PRSS50: variants seen among roughly 807,000 people sequenced by gnomAD.
PRSS50 encodes probable threonine protease PRSS50.
PRSS50 carries 23 observed loss-of-function variants against 34.2 expected under a neutral mutation model. The ratio of observed to expected loss-of-function variants is 0.67; its 90% CI spans 0.48 to 0.95. The LOEUF (loss-of-function observed/expected upper bound fraction) is 0.95, where lower values mean the gene tolerates loss of function less well. Among genes scored for constraint, PRSS50 ranks in the 40% least tolerant of loss-of-function variants. The pLI is 0.00. For missense variants in PRSS50, 484 were observed against 513.4 expected, an observed-to-expected ratio of 0.94 and a Z score of 0.55; for synonymous variants, 224 against 211.2, an observed-to-expected ratio of 1.06 and a Z score of -0.53.
In PRSS50 at chr3:46,715,494, C is replaced by A; in HGVS notation, c.470+41G>T. The stretch of plus-strand genomic sequence containing the variant: ...GGGGATGACTGGGCCCACAGCAGCT[C>A]CAAATACCTCTCCACCCACCCCACC... On this transcript the variant is annotated intron_variant, in intron 3 of 5. Coordinates refer to ENST00000315170, the MANE Select transcript of PRSS50 (RefSeq NM_013270.5). The surrounding 1 kb of genome is among the most constrained non-coding windows in gnomAD (Gnocchi z 5.2). 1 of 1,588,922 alleles carries A rather than the reference C, an allele frequency of 6.3e-7. No individual in the cohort carries two copies. Among genetic ancestry groups the A allele is most frequent in the Non-Finnish European group, 8.6e-7 (1 of 1,160,818 alleles).
rs1273953033 is a variant in PRSS50 at position 46,715,727 on chromosome 3, G to C, written c.308-30C>G. On this transcript the variant is annotated intron_variant, in intron 2 of 5. Coordinates refer to ENST00000315170, the MANE Select transcript of PRSS50 (RefSeq NM_013270.5). This position sits in a 1 kb window ranked among gnomAD's most constrained non-coding sequence, Gnocchi z 5.2. The stretch of plus-strand genomic sequence containing the variant: ...GGAGGAAGGTGAGAGCTTGATGAGG[G>C]ATGGATCTTTCCCTGTCCCTCCCCT... The C allele has an allele frequency of 6.5e-7, 1 of 1,550,134 alleles. No homozygotes were observed. The highest frequency in any genetic ancestry group is 1.7e-4 in the Middle Eastern group (1 of 5,892).
In PRSS50 at chr3:46,717,412, C is replaced by T. The variant is rs986115212; in HGVS notation, c.307+25G>A. ...CTCCTCTGTCACCCTCCTTGCCCCA[C>T]GGAGTCTACACCCCTGGTACTCACA... On this transcript the variant is annotated intron_variant, in intron 2 of 5. Transcript: ENST00000315170. This position sits in a 1 kb window ranked among gnomAD's most constrained non-coding sequence, Gnocchi z 4.5. 2.5e-6 allele frequency: 4 copies of T among 1,610,062 alleles called. No homozygotes were observed. The highest frequency in any genetic ancestry group is 3.4e-6 in the Non-Finnish European group (4 of 1,176,844).
rs764346103 is a variant in PRSS50, at chr3:46,713,064, A to C, written c.758T>G (p.Met253Arg). Residue 253 changes from methionine to arginine, a missense_variant, in exon 5 of 6, where the codon ATG (methionine) becomes AGG (arginine). Physicochemically the swap from Met to Arg is moderately conservative, Grantham distance 91. Transcript: ENST00000315170. ...TGWGLSKADGMWPQFRTIQEK... is the reference protein window; with the variant it reads ...TGWGLSKADGRWPQFRTIQEK... The stretch of plus-strand genomic sequence containing the variant: ...CTGAATGGTCCGGAACTGAGGCCAC[A>C]TGCCTGTGGGACAGGGCCCCATTTA... The C allele has an allele frequency of 6.2e-7, 1 of 1,613,878 alleles. No individual in the cohort carries two copies. Among genetic ancestry groups the C allele is most frequent in the Admixed American group, 1.7e-5 (1 of 60,002 alleles).
chr3:46,717,337 G>T lies in PRSS50; in HGVS notation c.307+100C>A. On this transcript the variant is annotated intron_variant, in intron 2 of 5. Transcript: ENST00000315170. This position sits in a 1 kb window ranked among gnomAD's most constrained non-coding sequence, Gnocchi z 4.5. ...GTAGAAGGAGGCGCTCCTCTATCCT[G>T]CTCGCCCCCGTCCCTTCTGCTCCCC... 1 of 1,351,856 alleles carries T rather than the reference G, an allele frequency of 7.4e-7. No individual in the cohort carries two copies. Among genetic ancestry groups the T allele is most frequent in the Non-Finnish European group, 1.0e-6 (1 of 970,434 alleles). The allele number at this position is 1,351,856 out of a possible 1,614,324, so 83.7% of individuals were successfully genotyped here. A position where few individuals can be genotyped will look rare whatever the true frequency, so the allele number is the denominator to read the frequency against.
At position 46,714,519 on chromosome 3, in the gene PRSS50, G is replaced by A. The variant is rs375522027; in HGVS notation, c.471-18C>T. The A allele has an allele frequency of 6.4e-7, 1 of 1,550,388 alleles. No homozygotes were observed. The highest frequency in any genetic ancestry group is 8.7e-7 in the Non-Finnish European group (1 of 1,150,206). On this transcript the variant is annotated intron_variant, in intron 3 of 5. Transcript: ENST00000315170. ...CATCACGCCTAGGGGGGCCGTGAGG[G>A]GAGGCCATGATCAGCTCCAGGCCCC...
chr3:46,716,857 A>G lies in PRSS50; in HGVS notation c.307+580T>C, dbSNP rs140755783. Reference sequence around the variant, plus strand: ...TAAAGGATAACATAGGCAAGAAAACATCGGCATGCACAGCACAGGGTACTG... The same window carrying G: ...TAAAGGATAACATAGGCAAGAAAACGTCGGCATGCACAGCACAGGGTACTG... On this transcript the variant is annotated intron_variant, in intron 2 of 5. Coordinates refer to ENST00000315170, the MANE Select transcript of PRSS50 (RefSeq NM_013270.5). This position sits in a 1 kb window ranked among gnomAD's most constrained non-coding sequence, Gnocchi z 4.4. Among the ~76,000 whole-genome samples, 12 of 152,384 alleles carry G rather than the reference A, an allele frequency of 7.9e-5. No individual in the cohort carries two copies. The highest frequency in any genetic ancestry group is 1.3e-4 in the Non-Finnish European group (9 of 68,036).
At chr3:46,713,868 C>T (rs996005048) in intron 4 of PRSS50, among the ~76,000 whole-genome samples, 4 of 152,252 alleles carry the variant, frequency 2.6e-5, no homozygotes, top group Admixed American at 6.5e-5. Flanking sequence ...ACTGCTCCCC[C>T]GACCTCAGGT....
chr3:46,715,443 T>C lies in PRSS50; in HGVS notation c.470+92A>G. The stretch of plus-strand genomic sequence containing the variant: ...GCCCAGATGAGGCTGGGGCTGGGAC[T>C]GTGGGCCCAGAACAGCTGGCAGGGA... On this transcript the variant is annotated intron_variant, in intron 3 of 5. Coordinates refer to ENST00000315170, the MANE Select transcript of PRSS50 (RefSeq NM_013270.5). The surrounding 1 kb of genome is among the most constrained non-coding windows in gnomAD (Gnocchi z 5.2). 6.6e-7 allele frequency: 1 copy of C among 1,505,608 alleles called. No individual in the cohort carries two copies. Among genetic ancestry groups the C allele is most frequent in the Non-Finnish European group, 9.0e-7 (1 of 1,108,036 alleles). 93.3% of individuals were successfully genotyped at this position (1,505,608 alleles called of 1,614,324 possible).
Position 46,712,458 on chromosome 3 carries a change from A to C in PRSS50, c.946T>G (p.Cys316Gly). The C allele has an allele frequency of 1.2e-6, 2 of 1,614,018 alleles. No homozygotes were observed. Among genetic ancestry groups the C allele is most frequent in the Non-Finnish European group, 1.7e-6 (2 of 1,179,936 alleles). Residue 316 changes from cysteine (C) to glycine (G), a missense_variant, in exon 6 of 6, where the codon TGC (cysteine) becomes GGC (glycine). Coordinates refer to ENST00000315170, the MANE Select transcript of PRSS50 (RefSeq NM_013270.5). ...CYELTGEPLV[C>G]SMEGTWYLVG... ...AGGTACCACGTGCCCTCCATGGAGCAGACCAAGGGCTCTCCAGTTAGCTCC... is the reference window on the plus strand; with the variant it reads ...AGGTACCACGTGCCCTCCATGGAGCCGACCAAGGGCTCTCCAGTTAGCTCC...
At chr3:46,712,839 C>T in intron 5 of PRSS50, 62 bp downstream of exon 5, 1 of 1,575,630 alleles carries the variant, frequency 6.3e-7, no homozygotes, top group Non-Finnish European at 8.7e-7. Flanking sequence ...TCCGCTCTCC[C>T]TCCCCAGATG....
intron 4 of PRSS50, among the ~76,000 whole-genome samples, chr3:46,713,587 C>T (rs764805517): frequency 6.6e-6 from 1 of 152,240 alleles, no homozygotes; most frequent in Non-Finnish European, 1.5e-5. Flanking sequence ...GGGCTGAAGC[C>T]CCCTTGAGCT....
In PRSS50 at chr3:46,715,801, A is replaced by G; in HGVS notation, c.308-104T>C. Reference sequence around the variant, plus strand: ...TCCAGCCACTGGCCTGCACCCATCCAGGGGTGCTCCCTTTTCACCTGTCAC... The same window carrying G: ...TCCAGCCACTGGCCTGCACCCATCCGGGGGTGCTCCCTTTTCACCTGTCAC... On this transcript the variant is annotated intron_variant, in intron 2 of 5. Transcript: ENST00000315170. This position sits in a 1 kb window ranked among gnomAD's most constrained non-coding sequence, Gnocchi z 5.2. 1 of 1,278,052 alleles carries G rather than the reference A, an allele frequency of 7.8e-7. No homozygotes were observed. Among genetic ancestry groups the G allele is most frequent in the Non-Finnish European group, 1.1e-6 (1 of 933,206 alleles). 79.2% of individuals were successfully genotyped at this position (1,278,052 alleles called of 1,614,324 possible). A position where few individuals can be genotyped will look rare whatever the true frequency, so the allele number is the denominator to read the frequency against.
Position 46,717,377 on chromosome 3 carries a change from G to A in PRSS50, c.307+60C>T. 1.3e-6 allele frequency: 2 copies of A among 1,582,580 alleles called. No homozygotes were observed. The highest frequency in any genetic ancestry group is 2.2e-5 in the South Asian group (2 of 89,904). Reference sequence around the variant, plus strand: ...TTCTGCTCCCCTAGCCCCAGCCAAGGTCCTTAAGACTCCTCTGTCACCCTC... The same window carrying A: ...TTCTGCTCCCCTAGCCCCAGCCAAGATCCTTAAGACTCCTCTGTCACCCTC... On this transcript the variant is annotated intron_variant, in intron 2 of 5. Coordinates refer to ENST00000315170, the MANE Select transcript of PRSS50 (RefSeq NM_013270.5). This position sits in a 1 kb window ranked among gnomAD's most constrained non-coding sequence, Gnocchi z 4.5.
In PRSS50 at chr3:46,717,252, TC is replaced by T. The variant is rs1477109843; in HGVS notation, c.307+184del. Among the ~76,000 whole-genome samples the T allele has an allele frequency of 2.0e-5, 3 of 152,218 alleles. No individual in the cohort carries two copies. Among genetic ancestry groups the T allele is most frequent in the East Asian group, 3.9e-4 (2 of 5,164 alleles). ...CCTGTGAGGACAAGACACCCAGAGCTCTGGGCCTCCAGACAGGACCAGGCCT... is the reference window on the plus strand; with the variant it reads ...CCTGTGAGGACAAGACACCCAGAGCTTGGGCCTCCAGACAGGACCAGGCCT... On this transcript the variant is annotated intron_variant, in intron 2 of 5. Transcript: ENST00000315170. The surrounding 1 kb of genome is among the most constrained non-coding windows in gnomAD (Gnocchi z 4.5).
chr3:46,712,547 C>T (rs1201916560), intron 5 of PRSS50, 65 bp from the exon 6 acceptor site: 1 of 1,490,450 alleles, frequency 6.7e-7, no homozygotes, highest in Non-Finnish European at 9.3e-7. Context: ...GACCCAGCTC[C>T]AGGACAGGCG....
chr3:46,712,396 C>T lies in PRSS50; in HGVS notation c.1008G>A (p.Lys336=). The T allele has an allele frequency of 6.2e-7, 1 of 1,613,918 alleles. No individual in the cohort carries two copies. Among genetic ancestry groups the T allele is most frequent in the Non-Finnish European group, 8.5e-7 (1 of 1,179,952 alleles). The change falls in exon 6 of 6, where the codon AAG becomes AAA. Residue 336 remains lysine, a synonymous_variant. Coordinates refer to ENST00000315170, the MANE Select transcript of PRSS50 (RefSeq NM_013270.5). ...GLVSWGAGCQ[K]SEAPPIYLQV... is the part of the protein sequence containing the mutation. ...GTAGGTAGATGGGTGGGGCCTCGCT[C>T]TTCTGGCAGCCTGCACCCCAGCTCA...
chr3:46,714,246 C>T lies in PRSS50; in HGVS notation c.726G>A (p.Val242=). 6.2e-7 allele frequency: 1 copy of T among 1,614,122 alleles called. No homozygotes were observed. Among genetic ancestry groups the T allele is most frequent in the East Asian group, 2.2e-5 (1 of 44,874 alleles). ...YVLKDHSRCT[V]TGWGLSKADG... ...CAGCCTTGGAAAGTCCCCAGCCCGT[C>T]ACAGTGCAGCGGGAATGGTCCTTCA... Residue 242 remains valine (V), a synonymous_variant, in exon 4 of 6, where the codon GTG becomes GTA. Coordinates refer to ENST00000315170, the MANE Select transcript of PRSS50 (RefSeq NM_013270.5).
At chr3:46,714,544 C>T (rs376767298) in intron 3 of PRSS50, 43 bp from the exon 4 acceptor site, 3 of 1,497,690 alleles carry the variant, frequency 2.0e-6, no homozygotes, top group Non-Finnish European at 2.7e-6. Context: ...CTCCAGGCCC[C>T]CTGCCCCAGC....
Position 46,716,455 on chromosome 3 carries a change from AG to A in PRSS50, c.308-759del, listed in dbSNP as rs1700685229. On this transcript the variant is annotated intron_variant, in intron 2 of 5. Coordinates refer to ENST00000315170, the MANE Select transcript of PRSS50 (RefSeq NM_013270.5). This position sits in a 1 kb window ranked among gnomAD's most constrained non-coding sequence, Gnocchi z 4.4. ...ATTTTTTAATTTTTTGGAGAGATAG[AG>A]TCCCACTATGTTGCCCAGGCAGGTC... Among the ~76,000 whole-genome samples, 1 of 152,138 alleles carries A rather than the reference AG, an allele frequency of 6.6e-6. No homozygotes were observed. Among genetic ancestry groups the A allele is most frequent in the African/African-American group, 2.4e-5 (1 of 41,418 alleles).
Sources: gnomAD v4.1 joint callset for allele counts (sites outside exome capture counted in the v4.1 genomes callset) on GRCh38, gnomAD v4.1.1 for gene constraint, Gnocchi (gnomAD v3.1) non-coding constraint, MANE v1.5 for transcripts, NCBI Gene and HGNC (gene_info 2026-07-23, HGNC 2026-07-21) for gene names.